TNRC6A: variants seen among roughly 807,000 people sequenced by gnomAD.
The protein encoded by TNRC6A is trinucleotide repeat containing adaptor 6A, also known as trinucleotide repeat-containing gene 6A protein.
In TNRC6A, 44 loss-of-function variants were observed where a neutral mutation model predicts 221.2. That is an observed-to-expected ratio of 0.20 (90% CI 0.16 to 0.26). TNRC6A has a LOEUF of 0.26. Ranked by LOEUF, TNRC6A falls within the 10% of genes least tolerant of loss-of-function variation. The pLI is 1.00. For synonymous variants in TNRC6A, 847 were observed against 838.5 expected (o/e 1.01, Z -0.18); for missense variants, 2,199 against 2,404.4 (o/e 0.91, Z 1.79).
At chr16:24,628,552 C>A (rs149290890) in intron 1 of TNRC6A, among the ~76,000 whole-genome samples, 1 of 152,296 alleles carries the variant, frequency 6.6e-6, no homozygotes, top group Admixed American at 6.5e-5. Flanking sequence ...CCCCATTAAC[C>A]TACTCAAACT....
chr16:24,738,167 TTG>T (rs2056812610), intron 2 of TNRC6A, among the ~76,000 whole-genome samples: 1 of 152,206 alleles, frequency 6.6e-6, no homozygotes. Context: ...GCCCAGACTC[TTG>T]TTTTTTGCTC....
intron 2 of TNRC6A, among the ~76,000 whole-genome samples, chr16:24,714,977 C>T (rs1293918383): frequency 6.6e-6 from 1 of 151,084 alleles, no homozygotes; most frequent in African/African-American, 2.4e-5. Context: ...CCCGGGTTCA[C>T]GCCATTCTCC....
rs67546745 is a variant in TNRC6A, at chr16:24,623,901, CAAAAAAAAAAAAAAAAAA to C, written n.276+13429_276+13446del. ...TGGGTAAAGGAGCAAGACCCTGTCT[CAAAAAAAAAAAAAAAAAA>C]AAAAAAAAAAAGAATTTCAAGAGGA... On this transcript the variant is annotated intron_variant and non_coding_transcript_variant, in intron 1 of 2. Coordinates refer to the TNRC6A transcript ENST00000566108. 1.4e-4 allele frequency among the ~76,000 whole-genome samples: 8 copies of C among 55,190 alleles called. No homozygotes were observed. The South Asian group carries it at 6.6e-3, about 46-fold the overall frequency. The allele number at this position is 55,190 out of a possible 152,430, so 36.2% of individuals were successfully genotyped here.
At chr16:24,723,932 A>C (rs1596549886) in intron 2 of TNRC6A, among the ~76,000 whole-genome samples, 1 of 152,334 alleles carries the variant, frequency 6.6e-6, no homozygotes, top group South Asian at 2.1e-4. Flanking sequence ...GTGATAGTAC[A>C]CATAGGTGTC....
At chr16:24,801,366 G>A (rs1340243447) in intron 11 of TNRC6A, among the ~76,000 whole-genome samples, 2 of 152,118 alleles carry the variant, frequency 1.3e-5, no homozygotes, top group Non-Finnish European at 2.9e-5. Flanking sequence ...AAAACTGATT[G>A]TCAGGGAATG....
rs2058738273 is a variant in TNRC6A at position 24,820,126 on chromosome 16, C to T, written c.5081-13C>T. The T allele has an allele frequency of 1.2e-6, 2 of 1,603,924 alleles. No homozygotes were observed. Among genetic ancestry groups the T allele is most frequent in the Non-Finnish European group, 1.7e-6 (2 of 1,174,824 alleles). ...TTATTCCTCCCCTCTCCATTTTTTCCCCCTTTGAGTAGCCAGAAATAGTGA... is the reference window on the plus strand; with the variant it reads ...TTATTCCTCCCCTCTCCATTTTTTCTCCCTTTGAGTAGCCAGAAATAGTGA... On this transcript the variant is annotated splice_polypyrimidine_tract_variant and intron_variant, in intron 21 of 24. Coordinates refer to ENST00000395799, the MANE Select transcript of TNRC6A (RefSeq NM_014494.4).
chr16:24,772,670 C>T (rs991390123), intron 4 of TNRC6A, among the ~76,000 whole-genome samples: 6 of 152,058 alleles, frequency 3.9e-5, no homozygotes, highest in African/African-American at 1.5e-4. Context: ...GTAATCCCAG[C>T]TTCTCCTCAG....
intron 2 of TNRC6A, among the ~76,000 whole-genome samples, chr16:24,655,629 C>T (rs13335024): frequency 0.21 from 31,776 of 151,032 alleles, 3,738 homozygotes; most frequent in African/African-American, 0.31. Flanking sequence ...GCGGAGGTTG[C>T]GGTGAGCCAA....
intron 3 of TNRC6A, among the ~76,000 whole-genome samples, chr16:24,755,060 A>G (rs757722976): frequency 6.5e-4 from 99 of 152,172 alleles, no homozygotes; most frequent in Non-Finnish European, 8.7e-4. Flanking sequence ...CATAGAGGGC[A>G]GTTAGGTGTT....
Position 24,815,320 on chromosome 16 carries a change from AAC to A in TNRC6A, c.4831+18_4831+19del, listed in dbSNP as rs1567518187. ...TTGGCCACCAGGTAAAATTTTTTCT[AAC>A]ACTTTCTTTCATGAGACTGTGTTTC... is the stretch of plus-strand genomic sequence containing the variant. On this transcript the variant is annotated intron_variant, in intron 19 of 24. Transcript: ENST00000395799. 1.2e-6 allele frequency: 2 copies of A among 1,613,672 alleles called. No individual in the cohort carries two copies. The highest frequency in any genetic ancestry group is 1.7e-5 in the Admixed American group (1 of 59,954).
intron 2 of TNRC6A, among the ~76,000 whole-genome samples, chr16:24,687,850 GAAGAA>G: frequency 1.3e-5 from 2 of 148,970 alleles, no homozygotes; most frequent in South Asian, 2.2e-4. Flanking sequence ...AGAGGAAGAA[GAAGAA>G]GAAGAAGAAG....
At chr16:24,644,664 G>T (rs1183113101) in intron 2 of TNRC6A, among the ~76,000 whole-genome samples, 4 of 151,868 alleles carry the variant, frequency 2.6e-5, no homozygotes, top group African/African-American at 9.7e-5. Flanking sequence ...TGCTGCCCAG[G>T]CTGGTCTCAA....
intron 18 of TNRC6A, among the ~76,000 whole-genome samples, chr16:24,814,441 G>A (rs1479218690): frequency 5.5e-5 from 6 of 108,630 alleles, no homozygotes; most frequent in Non-Finnish European, 8.5e-5. Flanking sequence ...ACGGAGTCTT[G>A]CCCTCTTCCC....
At chr16:24,687,219 C>T (rs147873535) in intron 2 of TNRC6A, among the ~76,000 whole-genome samples, 1 of 152,226 alleles carries the variant, frequency 6.6e-6, no homozygotes, top group East Asian at 1.9e-4. Flanking sequence ...TAATTAGCTA[C>T]TTATATAATA....
rs2058083473 is a variant in TNRC6A, at chr16:24,790,848, A to G, written c.2206A>G (p.Thr736Ala). The G allele has an allele frequency of 6.2e-7, 1 of 1,614,166 alleles. No homozygotes were observed. The highest frequency in any genetic ancestry group is 8.5e-7 in the Non-Finnish European group (1 of 1,180,026). ...TATTAAGCAGAATACTGCCTGGGAT[A>G]CAGAAACATCACCTAGAGGGGAACG... ...TPIKQNTAWD[T>A]ETSPRGERKT... Residue 736 changes from threonine to alanine, a missense_variant, in exon 6 of 25, where the codon ACA becomes GCA. Physicochemically the swap from Thr to Ala is moderately conservative, Grantham distance 58 (BLOSUM62 0). Transcript: ENST00000395799.
At chr16:24,695,502 T>A (rs2055839961) in intron 2 of TNRC6A, among the ~76,000 whole-genome samples, 1 of 152,084 alleles carries the variant, frequency 6.6e-6, no homozygotes, top group Admixed American at 6.6e-5. Context: ...TGGGTTCAAG[T>A]GATTCTCCTG....
chr16:24,809,291 T>C, intron 17 of TNRC6A, 59 bp from the exon 18 acceptor site: 1 of 1,400,602 alleles, frequency 7.1e-7, no homozygotes, highest in South Asian at 1.9e-5. Context: ...GAAGTTGTGC[T>C]ACTAGAAAGA....
intron 1 of TNRC6A, among the ~76,000 whole-genome samples, chr16:24,636,842 T>A (rs1210359753): frequency 6.6e-6 from 1 of 152,180 alleles, no homozygotes; most frequent in Non-Finnish European, 1.5e-5. Context: ...TATTAATAGA[T>A]ATTTCTGAAC....
At chr16:24,702,685 G>A (rs879694463) in intron 2 of TNRC6A, among the ~76,000 whole-genome samples, 8 of 152,060 alleles carry the variant, frequency 5.3e-5, no homozygotes, top group Non-Finnish European at 1.2e-4. Flanking sequence ...GCAGTGAGCT[G>A]TGATCATCCC....
Sources: allele counts gnomAD v4.1 joint callset (sites outside exome capture counted in the v4.1 genomes callset), GRCh38; gene constraint gnomAD v4.1.1; transcripts MANE v1.5; gene names NCBI Gene and HGNC (gene_info 2026-07-23, HGNC 2026-07-21).